CADM2: variants seen among roughly 807,000 people sequenced by gnomAD.
CADM2 encodes the protein cell adhesion molecule 2, also known as immunoglobulin superfamily member 4D.
A neutral mutation model predicts 49.8 loss-of-function variants in CADM2; 12 were observed. The ratio of observed to expected loss-of-function variants is 0.24; its 90% CI spans 0.15 to 0.39. The LOEUF (loss-of-function observed/expected upper bound fraction) is 0.39, where lower values mean the gene tolerates loss of function less well. Ranked by LOEUF, CADM2 falls within the 10% of genes least tolerant of loss-of-function variation. The pLI is 1.00. For missense variants in CADM2, 378 were observed against 492.3 expected, an observed-to-expected ratio of 0.77 and a Z score of 2.20; for synonymous variants, 214 against 175.4, an observed-to-expected ratio of 1.22 and a Z score of -1.74.
intron 1 of CADM2, among the ~76,000 whole-genome samples, chr3:85,378,625 C>T (rs1201644703): frequency 6.6e-6 from 1 of 151,948 alleles, no homozygotes. Flanking sequence ...AATGAATATT[C>T]ACATTTCTCA....
chr3:85,384,721 A>C (rs1681888247), intron 1 of CADM2, among the ~76,000 whole-genome samples: 1 of 151,780 alleles, frequency 6.6e-6, no homozygotes, highest in Non-Finnish European at 1.5e-5. Context: ...GTATATATAT[A>C]TAACAATTAT....
chr3:85,379,983 C>A (rs2053105), intron 1 of CADM2, among the ~76,000 whole-genome samples: 1 of 151,934 alleles, frequency 6.6e-6, no homozygotes, highest in African/African-American at 2.4e-5. Flanking sequence ...TTTTCAATGA[C>A]TTTGACAAAG....
At chr3:85,679,780 G>A (rs921684795) in intron 1 of CADM2, among the ~76,000 whole-genome samples, 3 of 151,940 alleles carry the variant, frequency 2.0e-5, no homozygotes, top group African/African-American at 7.2e-5. Flanking sequence ...ATCACTTGTT[G>A]TCAGCTGGCT....
chr3:85,532,490 C>T (rs1224636919), intron 1 of CADM2, among the ~76,000 whole-genome samples: 1 of 152,088 alleles, frequency 6.6e-6, no homozygotes, highest in African/African-American at 2.4e-5. Flanking sequence ...TTGTGAGCTA[C>T]AGTCCTTTAC....
intron 1 of CADM2, among the ~76,000 whole-genome samples, chr3:85,259,413 A>AC (rs2042962959): frequency 1.3e-5 from 1 of 79,372 alleles, no homozygotes; most frequent in African/African-American, 7.7e-5. Flanking sequence ...TAATTTTCAG[A>AC]AAACTTTCAT....
chr3:85,159,029 C>A (rs2107663476), intron 1 of CADM2, among the ~76,000 whole-genome samples: 1 of 152,156 alleles, frequency 6.6e-6, no homozygotes, highest in South Asian at 2.1e-4. Context: ...AGTTTTAAAA[C>A]AGTTTATATT....
chr3:85,023,624 G>A (rs550891414), intron 1 of CADM2, among the ~76,000 whole-genome samples: 1 of 152,074 alleles, frequency 6.6e-6, no homozygotes, highest in African/African-American at 2.4e-5. Context: ...TGAAGCATCT[G>A]TTATTATTTA....
chr3:85,295,704 A>G (rs1262030576), intron 1 of CADM2, among the ~76,000 whole-genome samples: 3 of 151,414 alleles, frequency 2.0e-5, no homozygotes, highest in Non-Finnish European at 4.4e-5. Flanking sequence ...AAAACCAAAC[A>G]CTCACAGGTG....
chr3:85,601,162 A>ATT (rs2063383785), intron 1 of CADM2, among the ~76,000 whole-genome samples: 1 of 114,346 alleles, frequency 8.7e-6, no homozygotes, highest in Non-Finnish European at 1.7e-5. Context: ...ATATATATAT[A>ATT]TATATATATA....
At chr3:85,930,275 T>C (rs1269739990) in intron 6 of CADM2, among the ~76,000 whole-genome samples, 1 of 152,008 alleles carries the variant, frequency 6.6e-6, no homozygotes, top group Non-Finnish European at 1.5e-5. Flanking sequence ...TAACAGAGAG[T>C]GTGCAATATA....
intron 1 of CADM2, among the ~76,000 whole-genome samples, chr3:85,404,329 A>C (rs1576492213): frequency 6.6e-6 from 1 of 152,016 alleles, no homozygotes. Flanking sequence ...GATTGTTTAC[A>C]GCTTGTGTAT....
At chr3:85,018,636 C>CTT (rs1347207382) in intron 1 of CADM2, among the ~76,000 whole-genome samples, 1 of 152,090 alleles carries the variant, frequency 6.6e-6, no homozygotes, top group Non-Finnish European at 1.5e-5. Context: ...TTTACATAAA[C>CTT]TCACAGATAC....
intron 6 of CADM2, among the ~76,000 whole-genome samples, chr3:85,934,582 T>C (rs1232606040): frequency 6.6e-6 from 1 of 152,126 alleles, no homozygotes; most frequent in East Asian, 1.9e-4. Context: ...ATGCATTCTC[T>C]TGTTTAAGGA....
At chr3:85,631,566 A>G (rs9813436) in intron 1 of CADM2, among the ~76,000 whole-genome samples, 26,967 of 152,082 alleles carry the variant, frequency 0.18, 2,973 homozygotes, top group Non-Finnish European at 0.24. Flanking sequence ...TATAGATAAG[A>G]GAAATCAGAA....
intron 1 of CADM2, among the ~76,000 whole-genome samples, chr3:85,440,621 T>A (rs1196810495): frequency 5.3e-5 from 8 of 152,186 alleles, no homozygotes; most frequent in Admixed American, 5.2e-4. Context: ...GTGATGATAA[T>A]ATAAGCATTT....
At chr3:85,514,562 ATGTCC>A (rs2060848737) in intron 1 of CADM2, among the ~76,000 whole-genome samples, 1 of 152,102 alleles carries the variant, frequency 6.6e-6, no homozygotes, top group African/African-American at 2.4e-5. Flanking sequence ...GAAGACCTTG[ATGTCC>A]TATAATGGGA....
chr3:85,299,365 G>T (rs543532739), intron 1 of CADM2, among the ~76,000 whole-genome samples: 90 of 152,026 alleles, frequency 5.9e-4, no homozygotes, highest in Non-Finnish European at 1.1e-3. Context: ...TCGTTTTTAG[G>T]ATCAGATGGC....
chr3:85,796,187 A>G (rs2071610052), intron 2 of CADM2, among the ~76,000 whole-genome samples: 1 of 152,182 alleles, frequency 6.6e-6, no homozygotes, highest in African/African-American at 2.4e-5. Flanking sequence ...TTTATTGCTT[A>G]AAGAATAACT....
intron 1 of CADM2, among the ~76,000 whole-genome samples, chr3:85,400,832 C>G (rs1032048345): frequency 6.6e-6 from 1 of 152,108 alleles, no homozygotes; most frequent in South Asian, 2.1e-4. Flanking sequence ...ATCTCACTTT[C>G]CAGGGCAGCC....
Sources: gnomAD v4.1 joint callset for allele counts (sites outside exome capture counted in the v4.1 genomes callset) on GRCh38, gnomAD v4.1.1 for gene constraint, MANE v1.5 for transcripts, NCBI Gene and HGNC (gene_info 2026-07-23, HGNC 2026-07-21) for gene names.